The following ADCY8 variants were observed in gnomAD, a reference collection of about 807,000 sequenced individuals.
ADCY8 encodes adenylate cyclase type 8.
ADCY8 carries 51 observed loss-of-function variants against 119.7 expected under a neutral mutation model. The observed-to-expected ratio is 0.43, with a 90% CI of 0.34 to 0.54. The LOEUF (loss-of-function observed/expected upper bound fraction) is 0.54. Among genes scored for constraint, ADCY8 ranks in the 20% least tolerant of loss-of-function variants. ADCY8 has a pLI of 0.03. For missense variants in ADCY8, 1,383 were observed against 1,598.8 expected, an observed-to-expected ratio of 0.87 and a Z score of 2.30; for synonymous variants, 665 against 651.0, an observed-to-expected ratio of 1.02 and a Z score of -0.33.
chr8:130,930,001 T>C (rs1434306311), intron 5 of ADCY8, among the ~76,000 whole-genome samples: 1 of 152,214 alleles, frequency 6.6e-6, no homozygotes, highest in Admixed American at 6.5e-5. Context: ...TTTCTATCCT[T>C]CACTTTCAAT....
At chr8:130,882,046 G>A (rs1041769973) in intron 8 of ADCY8, among the ~76,000 whole-genome samples, 7 of 151,738 alleles carry the variant, frequency 4.6e-5, no homozygotes, top group South Asian at 2.1e-4. Context: ...ATCCTTACCC[G>A]GAGGGTGTAA....
At position 130,903,853 on chromosome 8, in the gene ADCY8, G is replaced by A. The variant is rs145879429; in HGVS notation, c.1830C>T (p.Asp610=). ...DIVKESVSSS[D]RRNSGATFTE... ...TGAATGTGGCCCCACTGTTTCTCCG[G>A]TCTGAGGAGCTCACTGACTCCTTGA... The change falls in exon 7 of 18, where the codon GAC becomes GAT. Residue 610 remains aspartate, a synonymous_variant. Coordinates refer to ENST00000286355, the MANE Select transcript of ADCY8 (RefSeq NM_001115.3). 666 of 1,613,990 alleles carry A rather than the reference G, an allele frequency of 4.1e-4. 5 individuals carry two copies. In the African/African-American group the frequency reaches 7.6e-3, roughly 18 times the overall value.
At chr8:130,805,037 GC>G (rs1815902218) in intron 14 of ADCY8, among the ~76,000 whole-genome samples, 1 of 152,164 alleles carries the variant, frequency 6.6e-6, no homozygotes, top group African/African-American at 2.4e-5. Flanking sequence ...ATGAGCTACT[GC>G]CCCCAGCCTC....
intron 2 of ADCY8, among the ~76,000 whole-genome samples, chr8:130,961,947 C>T (rs943703159): frequency 2.6e-5 from 4 of 152,146 alleles, no homozygotes; most frequent in Non-Finnish European, 2.9e-5. Flanking sequence ...CGTACTCCAG[C>T]CTGGGCAACA....
intron 9 of ADCY8, among the ~76,000 whole-genome samples, chr8:130,856,279 C>T (rs948958519): frequency 6.6e-6 from 1 of 151,958 alleles, no homozygotes; most frequent in African/African-American, 2.4e-5. Context: ...GTCTTTTAGC[C>T]CTACTAGATG....
At chr8:130,976,744 T>C (rs1822083344) in intron 2 of ADCY8, among the ~76,000 whole-genome samples, 1 of 152,312 alleles carries the variant, frequency 6.6e-6, no homozygotes, top group East Asian at 1.9e-4. Flanking sequence ...TGAAAGATAA[T>C]TAAAATTCAA....
intron 2 of ADCY8, among the ~76,000 whole-genome samples, chr8:130,955,813 G>C (rs1483391498): frequency 1.3e-5 from 2 of 152,144 alleles, no homozygotes; most frequent in African/African-American, 4.8e-5. Flanking sequence ...GAAATGCCTA[G>C]GGAAGCAGTT....
chr8:130,921,586 T>A (rs1164978729), intron 5 of ADCY8, among the ~76,000 whole-genome samples: 1 of 151,814 alleles, frequency 6.6e-6, no homozygotes, highest in African/African-American at 2.4e-5. Flanking sequence ...CCCTAGTAGC[T>A]GGGATTACAG....
intron 12 of ADCY8, among the ~76,000 whole-genome samples, chr8:130,826,334 C>T (rs1344922189): frequency 2.0e-5 from 3 of 152,126 alleles, no homozygotes; most frequent in Non-Finnish European, 4.4e-5. Context: ...TCAGTCTTTA[C>T]AATTCTGGTT....
chr8:130,819,291 A>G (rs955155931), intron 13 of ADCY8, among the ~76,000 whole-genome samples: 3 of 152,206 alleles, frequency 2.0e-5, no homozygotes, highest in Admixed American at 6.5e-5. Context: ...GTTAAAAATA[A>G]AAGGGAAAAA....
chr8:130,872,305 C>A (rs1402935456), intron 8 of ADCY8, among the ~76,000 whole-genome samples: 5 of 152,208 alleles, frequency 3.3e-5, no homozygotes, highest in African/African-American at 1.2e-4. Context: ...TTTATAATAT[C>A]CTCACTTTGT....
intron 5 of ADCY8, among the ~76,000 whole-genome samples, chr8:130,916,496 G>A (rs1412093908): frequency 2.6e-5 from 4 of 152,324 alleles, no homozygotes; most frequent in African/African-American, 2.4e-5. Context: ...GAAAGCCACC[G>A]TGTGTTGGGA....
intron 10 of ADCY8, among the ~76,000 whole-genome samples, chr8:130,848,274 C>G (rs1286823975): frequency 6.6e-6 from 1 of 152,132 alleles, no homozygotes; most frequent in Non-Finnish European, 1.5e-5. Context: ...GTAACCCTGA[C>G]CTACAGTCAT....
intron 5 of ADCY8, among the ~76,000 whole-genome samples, chr8:130,916,549 G>A (rs1157133019): frequency 6.6e-6 from 1 of 152,184 alleles, no homozygotes; most frequent in Admixed American, 6.5e-5. Flanking sequence ...CCCAAAACTG[G>A]CCATAAATAA....
intron 9 of ADCY8, among the ~76,000 whole-genome samples, chr8:130,859,161 A>C (rs1817845842): frequency 6.6e-6 from 1 of 152,186 alleles, no homozygotes; most frequent in East Asian, 1.9e-4. Flanking sequence ...CAGAGGAAGG[A>C]AATGTATGTA....
chr8:130,929,480 C>A (rs1287384540), intron 5 of ADCY8, among the ~76,000 whole-genome samples: 1 of 151,890 alleles, frequency 6.6e-6, no homozygotes, highest in Non-Finnish European at 1.5e-5. Flanking sequence ...AGTGTTATAC[C>A]CTTGTGGTCA....
intron 15 of ADCY8, among the ~76,000 whole-genome samples, chr8:130,797,335 C>G (rs2063009461): frequency 1.3e-5 from 2 of 152,228 alleles, no homozygotes; most frequent in Admixed American, 1.3e-4. Flanking sequence ...AGCCAAAACA[C>G]TGGACACCCC....
Position 131,039,824 on chromosome 8 carries a change from G to A in ADCY8, c.510C>T (p.Tyr170=). 6.2e-7 allele frequency: 1 copy of A among 1,614,214 alleles called. No homozygotes were observed. Among genetic ancestry groups the A allele is most frequent in the Non-Finnish European group, 8.5e-7 (1 of 1,180,030 alleles). The change falls in exon 1 of 18, where the codon TAC becomes TAT. Residue 170 remains tyrosine, a synonymous_variant. Transcript: ENST00000286355. ...GCCTTTGGCCCAAGAAATAGCGCTG[G>A]TAGAGGCGTTCCAAATCCCGAGATT... ...SFKSRDLERL[Y]QRYFLGQRRK...
intron 15 of ADCY8, among the ~76,000 whole-genome samples, chr8:130,799,860 A>G (rs946137262): frequency 1.3e-5 from 2 of 151,994 alleles, no homozygotes; most frequent in African/African-American, 4.9e-5. Flanking sequence ...GTGTCCTTCA[A>G]GATGGGGAAT....
Sources: gnomAD v4.1 joint callset for allele counts (sites outside exome capture counted in the v4.1 genomes callset) on GRCh38, gnomAD v4.1.1 for gene constraint, MANE v1.5 for transcripts, NCBI Gene and HGNC (gene_info 2026-07-23, HGNC 2026-07-21) for gene names.